SFMBT2: variants seen among roughly 807,000 people sequenced by gnomAD.
The protein encoded by SFMBT2 is scm-like with four MBT domains protein 2.
Under a neutral mutation model 110.1 loss-of-function variants are expected in SFMBT2, and 38 were observed. The observed-to-expected ratio is 0.35, with a 90% CI of 0.27 to 0.45. The LOEUF (loss-of-function observed/expected upper bound fraction) is 0.45, where lower values mean the gene tolerates loss of function less well. Among genes scored for constraint, SFMBT2 ranks in the 20% least tolerant of loss-of-function variants. The probability of loss-of-function intolerance (pLI) is 1.00; values close to 1 mark genes in which losing one functional copy is unlikely to be tolerated. For synonymous variants in SFMBT2, 425 were observed against 425.4 expected, an observed-to-expected ratio of 1.00 and a Z score of 0.01; for missense variants, 1,011 against 1,094.9, an observed-to-expected ratio of 0.92 and a Z score of 1.08.
rs149399231 is a variant in SFMBT2 at position 7,171,400 on chromosome 10, C to T, written c.2416-344G>A. ...TACAAGGGGCACGTCCAAGCAGACA[C>T]GAGACAGTGTCCCCCAGTGTTTCTG... On this transcript the variant is annotated intron_variant, in intron 19 of 20. Transcript: ENST00000397167. The surrounding 1 kb of genome is among the most constrained non-coding windows in gnomAD (Gnocchi z 4.9). The T allele has an allele frequency of 5.8e-4, 570 of 985,448 alleles. No individual in the cohort carries two copies. The Middle Eastern group carries it at 7.8e-3, about 14-fold the overall frequency. 61.0% of individuals were successfully genotyped at this position (985,448 alleles called of 1,614,324 possible).
At chr10:7,198,034 C>T in intron 14 of SFMBT2, 2 of 985,438 alleles carry the variant, frequency 2.0e-6, no homozygotes, top group Non-Finnish European at 2.4e-6. Flanking sequence ...AATTCTGATG[C>T]ATTTTTCCAG....
At chr10:7,233,469 G>C (rs10905121) in intron 9 of SFMBT2, among the ~76,000 whole-genome samples, 36,954 of 152,128 alleles carry the variant, frequency 0.24, 4,846 homozygotes, top group South Asian at 0.38. Flanking sequence ...TCACCCCAGA[G>C]AATGTTTACT....
intron 1 of SFMBT2, among the ~76,000 whole-genome samples, chr10:7,402,568 C>G (rs1455920385): frequency 6.6e-6 from 1 of 152,144 alleles, no homozygotes; most frequent in African/African-American, 2.4e-5. Context: ...GAAAATTCAG[C>G]CACTTCAATT....
chr10:7,185,375 C>CT (rs1309505232), intron 16 of SFMBT2, among the ~76,000 whole-genome samples: 2 of 152,166 alleles, frequency 1.3e-5, no homozygotes, highest in South Asian at 2.1e-4. Flanking sequence ...TTAGGGAATC[C>CT]TTTTTTTACA....
At chr10:7,400,853 C>T (rs914462948) in intron 1 of SFMBT2, among the ~76,000 whole-genome samples, 1 of 152,186 alleles carries the variant, frequency 6.6e-6, no homozygotes, top group African/African-American at 2.4e-5. Flanking sequence ...TCCCCCCCGG[C>T]CAGGCGCGGT....
rs201228329 is a variant in SFMBT2 at position 7,280,393 on chromosome 10, G to GA, written c.773-3405_773-3404insT. ...TAAAACAAGCACTAAAAAAATGGGG[G>GA]GAGGGGGTGATAAAATAATTTTGAA... On this transcript the variant is annotated intron_variant, in intron 6 of 20. Coordinates refer to ENST00000397167, the MANE Select transcript of SFMBT2 (RefSeq NM_001387889.1). 8.8e-3 allele frequency among the ~76,000 whole-genome samples: 1,343 copies of GA among 152,030 alleles called. 15 individuals are homozygous for GA. Among genetic ancestry groups the GA allele is most frequent in the African/African-American group, 0.031 (1,268 of 41,448 alleles).
chr10:7,203,706 A>C (rs764790915), intron 12 of SFMBT2: 10 of 983,460 alleles, frequency 1.0e-5, no homozygotes, highest in African/African-American at 3.5e-5. Context: ...GAGCAAGGTC[A>C]GAATCTGCAG....
chr10:7,198,252 T>A, intron 14 of SFMBT2: 1 of 575,226 alleles, frequency 1.7e-6, no homozygotes, highest in South Asian at 7.7e-5. Flanking sequence ...TTCATTTTTT[T>A]ACTTCTTTGA....
intron 4 of SFMBT2, among the ~76,000 whole-genome samples, chr10:7,328,400 T>A (rs1843461834): frequency 6.6e-6 from 1 of 152,254 alleles, no homozygotes; most frequent in Non-Finnish European, 1.5e-5. Context: ...TGAAAATATT[T>A]TCTCTCAGTC....
intron 7 of SFMBT2, among the ~76,000 whole-genome samples, chr10:7,272,774 C>G (rs955804431): frequency 6.6e-6 from 1 of 152,150 alleles, no homozygotes; most frequent in Admixed American, 6.5e-5. Context: ...GGGCTGACCA[C>G]CACATTCTAA....
At chr10:7,274,429 T>C (rs11596936) in intron 7 of SFMBT2, among the ~76,000 whole-genome samples, 3,555 of 152,278 alleles carry the variant, frequency 0.023, 61 homozygotes, top group Non-Finnish European at 0.037. Context: ...GGGGACGTAA[T>C]TGAATCATGC....
rs1174590431 is a variant in SFMBT2, at chr10:7,381,914, GTCTCT to G, written c.-21_-17del. The G allele has an allele frequency of 6.4e-7, 1 of 1,555,970 alleles. No homozygotes were observed. The highest frequency in any genetic ancestry group is 1.4e-5 in the African/African-American group (1 of 72,984). ...TGCTCTCCATGCCTGATGAGCAAGT[GTCTCT>G]TCTCTTAATTCATCCTGCAGAAAAA... On this transcript the variant is annotated 5_prime_UTR_variant, in exon 2 of 21. Coordinates refer to ENST00000397167, the MANE Select transcript of SFMBT2 (RefSeq NM_001387889.1).
intron 12 of SFMBT2, chr10:7,205,552 C>T: frequency 3.0e-6 from 3 of 985,306 alleles, no homozygotes; most frequent in Non-Finnish European, 3.6e-6. Flanking sequence ...GTATAAAAAA[C>T]TGAGAGTGAT....
chr10:7,230,429 A>G (rs2131681918), intron 9 of SFMBT2, among the ~76,000 whole-genome samples: 1 of 152,300 alleles, frequency 6.6e-6, no homozygotes, highest in South Asian at 2.1e-4. Context: ...GTTTCTCTGG[A>G]GCTGTCTGGA....
chr10:7,272,315 G>A (rs532322004), intron 7 of SFMBT2, among the ~76,000 whole-genome samples: 56 of 152,196 alleles, frequency 3.7e-4, no homozygotes, highest in African/African-American at 1.3e-3. Flanking sequence ...AGGTAAGGAG[G>A]CAAAAAAGCT....
Position 7,176,133 on chromosome 10 carries a change from T to G in SFMBT2, c.1841A>C (p.Lys614Thr). 1 of 1,614,254 alleles carries G rather than the reference T, an allele frequency of 6.2e-7. No individual in the cohort carries two copies. The highest frequency in any genetic ancestry group is 2.2e-5 in the East Asian group (1 of 44,892). The change falls in exon 17 of 21, where the codon AAA becomes ACA. Residue 614 changes from lysine to threonine, a missense_variant. Physicochemically the swap from Lys to Thr is moderately conservative, Grantham distance 78 (BLOSUM62 -1). This residue lies in a region of SFMBT2 where 979 missense variants were observed against 1,016.1 expected (regional missense o/e 0.96). Transcript: ENST00000397167. Reference protein sequence around the residue: ...YRGKTYRAVVKIVRTSDQVAN... With the variant: ...YRGKTYRAVVTIVRTSDQVAN... ...GACTTGGTCAGATGTCCGTACGATT[T>G]TGACCACAGCCCTGTATGTTTTGCC... is the stretch of plus-strand genomic sequence containing the variant.
intron 4 of SFMBT2, among the ~76,000 whole-genome samples, chr10:7,312,909 T>C (rs1402660236): frequency 6.6e-6 from 1 of 152,174 alleles, no homozygotes; most frequent in Non-Finnish European, 1.5e-5. Context: ...AGACAGATTT[T>C]CTGGGATTGG....
intron 7 of SFMBT2, among the ~76,000 whole-genome samples, chr10:7,252,615 G>A (rs1289953685): frequency 6.6e-6 from 1 of 152,128 alleles, no homozygotes; most frequent in Non-Finnish European, 1.5e-5. Flanking sequence ...AAAATAGCAT[G>A]ACATTAAAAT....
intron 9 of SFMBT2, chr10:7,228,362 G>C (rs1383963779): frequency 1.3e-6 from 1 of 785,910 alleles, no homozygotes; most frequent in East Asian, 1.5e-4. Flanking sequence ...AGATTTTACT[G>C]GGAAATAAAA....
Sources: gnomAD v4.1 joint callset for allele counts (sites outside exome capture counted in the v4.1 genomes callset) on GRCh38, gnomAD v4.1.1 for gene constraint, gnomAD v4.1.1 regional missense constraint, Gnocchi (gnomAD v3.1) non-coding constraint, MANE v1.5 for transcripts, NCBI Gene and HGNC (gene_info 2026-07-23, HGNC 2026-07-21) for gene names.